Variants in POU6F2 observed in about 807,000 individuals in gnomAD.
The protein encoded by POU6F2 is POU domain, class 6, transcription factor 2.
POU6F2 carries 31 observed loss-of-function variants against 71.3 expected under a neutral mutation model. The observed-to-expected ratio is 0.43, with a 90% CI of 0.33 to 0.59. The LOEUF is 0.59. Ranked by LOEUF, POU6F2 falls within the 20% of genes least tolerant of loss-of-function variation. The pLI, the probability that POU6F2 is intolerant of heterozygous loss-of-function variation, is 0.04. For synonymous variants in POU6F2, 347 were observed against 355.7 expected (o/e 0.98, Z 0.27); for missense variants, 783 against 856.8 (o/e 0.91, Z 1.07).
intron 4 of POU6F2, among the ~76,000 whole-genome samples, chr7:39,286,587 T>G (rs896257235): frequency 2.6e-5 from 4 of 152,200 alleles, no homozygotes; most frequent in African/African-American, 9.6e-5. Flanking sequence ...GGAGTTTATG[T>G]TGGACAGGTC....
chr7:39,284,044 C>G (rs7790421), intron 4 of POU6F2, among the ~76,000 whole-genome samples: 73,076 of 151,976 alleles, frequency 0.48, 19,101 homozygotes, highest in East Asian at 0.69. Flanking sequence ...CCAAACCTTT[C>G]CCCTACACCG....
At chr7:39,330,539 CTACCT>C (rs1483155516) in intron 4 of POU6F2, among the ~76,000 whole-genome samples, 3 of 152,134 alleles carry the variant, frequency 2.0e-5, no homozygotes, top group Non-Finnish European at 4.4e-5. Context: ...TTTAATATGG[CTACCT>C]TATTATTTCC....
At chr7:39,035,199 G>A (rs1233132417) in intron 1 of POU6F2, among the ~76,000 whole-genome samples, 1 of 151,966 alleles carries the variant, frequency 6.6e-6, no homozygotes, top group Non-Finnish European at 1.5e-5. Flanking sequence ...GAAGAGTTCC[G>A]ATTTTGTGTT....
chr7:39,144,665 G>C (rs975284854), intron 2 of POU6F2, among the ~76,000 whole-genome samples: 4 of 152,130 alleles, frequency 2.6e-5, no homozygotes, highest in Non-Finnish European at 5.9e-5. Flanking sequence ...TGGTTTGAAT[G>C]GTGTTTACTG....
chr7:39,103,742 GAACCCCTGTACTGGCA>G (rs964352568), intron 2 of POU6F2, among the ~76,000 whole-genome samples: 31 of 152,116 alleles, frequency 2.0e-4, no homozygotes, highest in African/African-American at 6.0e-4. Flanking sequence ...TGGAGCTGGA[GAACCCCTGTACTGGCA>G]AACCCCTGTA....
At chr7:39,345,132 CA>C (rs1219593026) in intron 5 of POU6F2, among the ~76,000 whole-genome samples, 5 of 151,922 alleles carry the variant, frequency 3.3e-5, no homozygotes, top group Non-Finnish European at 7.4e-5. Flanking sequence ...GAGTCTGAGG[CA>C]AAAGAAAAAA....
intron 2 of POU6F2, among the ~76,000 whole-genome samples, chr7:39,161,576 C>T (rs1792998438): frequency 6.6e-6 from 1 of 152,082 alleles, no homozygotes; most frequent in Non-Finnish European, 1.5e-5. Context: ...GTGATTTGCT[C>T]AAGGTAGCTG....
intron 4 of POU6F2, among the ~76,000 whole-genome samples, chr7:39,222,856 G>A (rs1206202261): frequency 6.6e-6 from 1 of 152,154 alleles, no homozygotes; most frequent in Non-Finnish European, 1.5e-5. Context: ...CTACAAACAT[G>A]GGTGTAGAAA....
Position 39,011,355 on chromosome 7 carries a change from T to C in POU6F2, c.105+33297T>C, listed in dbSNP as rs564694021. ...AGACTAGGATTGCAACCCCTGCCTT[T>C]TTTTGTTTTCCATTTGCTTGGTAGA... On this transcript the variant is annotated intron_variant, in intron 1 of 9. Transcript: ENST00000518318. Among the ~76,000 whole-genome samples, 5 of 151,776 alleles carry C rather than the reference T, an allele frequency of 3.3e-5. No individual in the cohort carries two copies. The East Asian group carries it at 9.7e-4, about 29-fold the overall frequency.
At chr7:39,380,226 A>G (rs1786799161) in intron 5 of POU6F2, among the ~76,000 whole-genome samples, 1 of 152,182 alleles carries the variant, frequency 6.6e-6, no homozygotes, top group African/African-American at 2.4e-5. Context: ...TCATCCCTGG[A>G]GTGAGTGAGA....
intron 1 of POU6F2, among the ~76,000 whole-genome samples, chr7:39,006,592 T>G (rs893878559): frequency 4.6e-5 from 7 of 152,238 alleles, no homozygotes; most frequent in Non-Finnish European, 7.3e-5. Flanking sequence ...TTAGGGCTTC[T>G]TATTTTCCCA....
At chr7:39,407,278 C>T (rs1360041016) in intron 6 of POU6F2, among the ~76,000 whole-genome samples, 4 of 151,814 alleles carry the variant, frequency 2.6e-5, no homozygotes. Flanking sequence ...TGCAAGTCAG[C>T]CCCATGGTCC....
At chr7:39,360,604 G>A (rs1299776377) in intron 5 of POU6F2, among the ~76,000 whole-genome samples, 1 of 152,294 alleles carries the variant, frequency 6.6e-6, no homozygotes, top group South Asian at 2.1e-4. Flanking sequence ...TGGATCTTGT[G>A]CAGGAAAGAA....
intron 6 of POU6F2, among the ~76,000 whole-genome samples, chr7:39,420,867 A>G (rs1326467817): frequency 6.6e-6 from 1 of 152,218 alleles, no homozygotes; most frequent in Non-Finnish European, 1.5e-5. Flanking sequence ...CTATCAGCAT[A>G]AATTATAAAT....
chr7:39,349,474 C>T (rs115114550), intron 5 of POU6F2, among the ~76,000 whole-genome samples: 5 of 152,164 alleles, frequency 3.3e-5, no homozygotes, highest in Admixed American at 6.5e-5. Context: ...CATGCCTTCT[C>T]CCCTTCTCAC....
chr7:39,384,334 C>A (rs748756614), intron 5 of POU6F2, among the ~76,000 whole-genome samples: 3 of 152,124 alleles, frequency 2.0e-5, no homozygotes, highest in Non-Finnish European at 4.4e-5. Context: ...TGACAGATGA[C>A]CGTTAAAAAC....
At chr7:39,011,410 T>C (rs1428870355) in intron 1 of POU6F2, among the ~76,000 whole-genome samples, 4 of 149,854 alleles carry the variant, frequency 2.7e-5, no homozygotes, top group East Asian at 4.0e-4. Flanking sequence ...TTTGAGCCTA[T>C]GTGTGTCTCT....
At chr7:38,999,944 A>C (rs1348228806) in intron 1 of POU6F2, among the ~76,000 whole-genome samples, 1 of 152,190 alleles carries the variant, frequency 6.6e-6, no homozygotes, top group East Asian at 1.9e-4. Context: ...CCAAAGATGA[A>C]ATGTACTTGC....
chr7:39,392,897 A>T (rs986153251), intron 5 of POU6F2, among the ~76,000 whole-genome samples: 1 of 152,282 alleles, frequency 6.6e-6, no homozygotes, highest in East Asian at 1.9e-4. Flanking sequence ...AGCATTTTTT[A>T]AAATATTTTT....
Sources: gnomAD v4.1 joint callset for allele counts (sites outside exome capture counted in the v4.1 genomes callset) on GRCh38, gnomAD v4.1.1 for gene constraint, MANE v1.5 for transcripts, NCBI Gene and HGNC (gene_info 2026-07-23, HGNC 2026-07-21) for gene names.